The following ZNF536 variants were observed in gnomAD, a reference collection of about 807,000 sequenced individuals.
ZNF536 encodes zinc finger protein 536.
ZNF536 carries 13 observed loss-of-function variants against 84.5 expected under a neutral mutation model. The observed-to-expected ratio is 0.15, with a 90% CI of 0.10 to 0.24. The LOEUF (loss-of-function observed/expected upper bound fraction) is 0.24, where lower values mean the gene tolerates loss of function less well. ZNF536 is among the 10% of genes least tolerant of loss of function. The pLI, the probability that ZNF536 is intolerant of heterozygous loss-of-function variation, is 1.00. For missense variants in ZNF536, 1,536 were observed against 1,747.5 expected (o/e 0.88, Z 2.16); for synonymous variants, 811 against 742.5 (o/e 1.09, Z -1.50).
At chr19:30,552,482 A>C (rs1188009887) in intron 4 of ZNF536, among the ~76,000 whole-genome samples, 1 of 152,214 alleles carries the variant, frequency 6.6e-6, no homozygotes, top group Admixed American at 6.5e-5. Context: ...ACCTAGTTCA[A>C]ATCATATAAA....
intron 2 of ZNF536, among the ~76,000 whole-genome samples, chr19:30,510,701 G>C (rs2055374298): frequency 6.6e-6 from 1 of 152,242 alleles, no homozygotes; most frequent in African/African-American, 2.4e-5. Flanking sequence ...TGGAAAGCTA[G>C]AAGTAGGTGG....
downstream of ZNF536, among the ~76,000 whole-genome samples, chr19:30,562,287 T>C (rs1424127258): frequency 2.0e-5 from 3 of 152,100 alleles, no homozygotes; most frequent in African/African-American, 7.2e-5. Flanking sequence ...GCCCCTGGGA[T>C]ATGTTCTGGT....
At chr19:30,304,095 G>A (rs1411954500) in intron 2 of ZNF536, among the ~76,000 whole-genome samples, 1 of 152,166 alleles carries the variant, frequency 6.6e-6, no homozygotes, top group African/African-American at 2.4e-5. Context: ...TTGGACTCAG[G>A]CCTGGTGCCC....
intron 1 of ZNF536, among the ~76,000 whole-genome samples, chr19:30,229,488 C>A (rs116040552): frequency 0.015 from 2,327 of 152,320 alleles, 69 homozygotes; most frequent in African/African-American, 0.052. Context: ...TGGGGGAAGA[C>A]TAGAACCCTA....
chr19:30,292,631 C>T (rs915899140), intron 2 of ZNF536, among the ~76,000 whole-genome samples: 1 of 151,930 alleles, frequency 6.6e-6, no homozygotes, highest in African/African-American at 2.4e-5. Flanking sequence ...TAGGGGACTT[C>T]TTTGGGTGTT....
At position 30,618,840 on chromosome 19, in the gene ZNF536, A is replaced by G. The variant is rs535201582; in HGVS notation, c.169+69326A>G. ...CTAAAATGCTCCAGGATTTTCTAAG[A>G]CTCTGTTTTTCAACCCAAAGTCTGC... is the stretch of plus-strand genomic sequence containing the variant. On this transcript the variant is annotated intron_variant, in intron 1 of 1. Transcript: ENST00000592773. Among the ~76,000 whole-genome samples the G allele has an allele frequency of 7.3e-5, 11 of 151,398 alleles. No individual in the cohort carries two copies. The East Asian group carries it at 9.7e-4, about 13-fold the overall frequency.
chr19:30,698,766 G>A (rs2051769535), intron 1 of ZNF536, among the ~76,000 whole-genome samples: 2 of 152,162 alleles, frequency 1.3e-5, no homozygotes, highest in East Asian at 1.9e-4. Flanking sequence ...GTTTCTCCAC[G>A]GAAGTTACTC....
intron 2 of ZNF536, among the ~76,000 whole-genome samples, chr19:30,336,157 G>A (rs566793176): frequency 6.6e-6 from 1 of 152,224 alleles, no homozygotes; most frequent in Non-Finnish European, 1.5e-5. Context: ...TTAGGTTCCA[G>A]CATGAGAGTA....
intron 2 of ZNF536, among the ~76,000 whole-genome samples, chr19:30,517,254 C>T (rs928681663): frequency 7.9e-5 from 12 of 152,146 alleles, no homozygotes; most frequent in African/African-American, 2.7e-4. Flanking sequence ...AATAACAGAC[C>T]CATCATAATT....
chr19:30,439,480 G>C (rs1044867277), intron 1 of ZNF536, among the ~76,000 whole-genome samples: 2 of 152,198 alleles, frequency 1.3e-5, no homozygotes, highest in African/African-American at 4.8e-5. Context: ...TGCCTCGGCT[G>C]TTTTGGCGCA....
chr19:30,593,117 T>A (rs2047330807), intron 1 of ZNF536, among the ~76,000 whole-genome samples: 1 of 152,188 alleles, frequency 6.6e-6, no homozygotes, highest in African/African-American at 2.4e-5. Flanking sequence ...GTGAAAACCA[T>A]CAAACTGGTC....
At chr19:30,265,475 G>C (rs1254132422) in intron 1 of ZNF536, among the ~76,000 whole-genome samples, 1 of 152,154 alleles carries the variant, frequency 6.6e-6, no homozygotes. Flanking sequence ...CATGCCTCTT[G>C]TGTGTCCTAC....
intron 1 of ZNF536, among the ~76,000 whole-genome samples, chr19:30,657,254 T>C (rs957820004): frequency 2.0e-5 from 3 of 152,308 alleles, no homozygotes; most frequent in Admixed American, 6.5e-5. Context: ...CGTGATGTCC[T>C]GTAAGTCACC....
At chr19:30,446,341 G>A (rs1600766392) in intron 2 of ZNF536, among the ~76,000 whole-genome samples, 2 of 151,286 alleles carry the variant, frequency 1.3e-5, no homozygotes, top group South Asian at 4.2e-4. Flanking sequence ...TTTTCAGTGG[G>A]CATAATCTAC....
chr19:30,461,103 C>T (rs1278461881), intron 2 of ZNF536, among the ~76,000 whole-genome samples: 1 of 152,122 alleles, frequency 6.6e-6, no homozygotes, highest in Non-Finnish European at 1.5e-5. Context: ...TCCCTGTTTC[C>T]CAGGAGTGTT....
intron 2 of ZNF536, among the ~76,000 whole-genome samples, chr19:30,349,080 T>C (rs1238672111): frequency 6.6e-6 from 1 of 152,188 alleles, no homozygotes; most frequent in Admixed American, 6.5e-5. Flanking sequence ...AAGTGCTGAG[T>C]TGGTGCCCTG....
intron 1 of ZNF536, among the ~76,000 whole-genome samples, chr19:30,659,946 C>G (rs1028739316): frequency 7.2e-6 from 1 of 139,266 alleles, no homozygotes; most frequent in Admixed American, 6.9e-5. Context: ...CCCTGTTTGA[C>G]ACAAGGGTGT....
At chr19:30,258,218 T>C (rs1210772424) in intron 1 of ZNF536, among the ~76,000 whole-genome samples, 1 of 152,202 alleles carries the variant, frequency 6.6e-6, no homozygotes, top group Non-Finnish European at 1.5e-5. Flanking sequence ...AGGTGTCGCC[T>C]ACACAACCTA....
chr19:30,444,714 G>A lies in ZNF536; in HGVS notation c.1152G>A (p.Glu384=), dbSNP rs1337202223. 1 of 1,613,958 alleles carries A rather than the reference G, an allele frequency of 6.2e-7. No homozygotes were observed. The highest frequency in any genetic ancestry group is 1.1e-5 in the South Asian group (1 of 91,086). ...AGATCTGCGGCCGGCGCTTCAAGGAGCCCTGGTTCCTCAAGAACCACATGA... is the reference window on the plus strand; with the variant it reads ...AGATCTGCGGCCGGCGCTTCAAGGAACCCTGGTTCCTCAAGAACCACATGA... ...CCQICGRRFK[E]PWFLKNHMKV... The change falls in exon 2 of 5, where the codon GAG becomes GAA. Residue 384 remains glutamate, a synonymous_variant. Transcript: ENST00000355537.
Sources: gnomAD v4.1 joint callset for allele counts (sites outside exome capture counted in the v4.1 genomes callset) on GRCh38, gnomAD v4.1.1 for gene constraint, MANE v1.5 for transcripts, NCBI Gene and HGNC (gene_info 2026-07-23, HGNC 2026-07-21) for gene names.